The following GRK2 variants were observed in gnomAD, a reference collection of about 807,000 sequenced individuals.
GRK2 encodes the protein G protein-coupled receptor kinase 2.
Under a neutral mutation model 97.8 loss-of-function variants are expected in GRK2, and 23 were observed. That is an observed-to-expected ratio of 0.24 (90% CI 0.17 to 0.33). GRK2 has a LOEUF of 0.33. Ranked by LOEUF, GRK2 falls within the 10% of genes least tolerant of loss-of-function variation. The pLI is 1.00. For synonymous variants in GRK2, 425 were observed against 381.7 expected (o/e 1.11, Z -1.32); for missense variants, 633 against 956.9 (o/e 0.66, Z 4.47).
At chr11:67,271,670 C>T (rs1434244301) in intron 1 of GRK2, among the ~76,000 whole-genome samples, 5 of 152,230 alleles carry the variant, frequency 3.3e-5, no homozygotes, top group Non-Finnish European at 5.9e-5. Context: ...GCTTTGTGGC[C>T]GACACGACGT....
chr11:67,268,144 A>G (rs1199249438), intron 1 of GRK2, among the ~76,000 whole-genome samples: 5 of 152,286 alleles, frequency 3.3e-5, no homozygotes, highest in Non-Finnish European at 4.4e-5. Context: ...CATCTGTGAA[A>G]TGTGGATGGC....
At chr11:67,271,809 G>A (rs542658481) in intron 1 of GRK2, among the ~76,000 whole-genome samples, 7 of 152,316 alleles carry the variant, frequency 4.6e-5, no homozygotes, top group East Asian at 3.9e-4. Context: ...CTGTGGCCCC[G>A]TCCTTGTTCG....
Position 67,269,246 on chromosome 11 carries a change from A to C in GRK2, c.113+2434A>C, listed in dbSNP as rs752218413. ...TTTCATGTTTGCCTGACACTTTTCCACTTGCAGAGTGCTTTTTACTCTGTT... is the reference window on the plus strand; with the variant it reads ...TTTCATGTTTGCCTGACACTTTTCCCCTTGCAGAGTGCTTTTTACTCTGTT... On this transcript the variant is annotated intron_variant, in intron 1 of 20. Transcript: ENST00000308595. The surrounding 1 kb of genome is among the most constrained non-coding windows in gnomAD (Gnocchi z 4.1). 2.1e-5 allele frequency among the ~76,000 whole-genome samples: 3 copies of C among 140,290 alleles called. No homozygotes were observed. Among genetic ancestry groups the C allele is most frequent in the African/African-American group, 8.2e-5 (3 of 36,648 alleles). The allele number at this position is 140,290 out of a possible 152,430, so 92.0% of individuals were successfully genotyped here. A position where few individuals can be genotyped will look rare whatever the true frequency, so the allele number is the denominator to read the frequency against.
Position 67,283,739 on chromosome 11 carries a change from G to A in GRK2, c.1361G>A (p.Arg454His), listed in dbSNP as rs746293222. ...GAGGTGAAAGAGAGCCCCTTTTTCCGCTCCCTGGACTGGCAGATGGTCTTC... is the reference window on the plus strand; with the variant it reads ...GAGGTGAAAGAGAGCCCCTTTTTCCACTCCCTGGACTGGCAGATGGTCTTC... ...AQEVKESPFF[R>H]SLDWQMVFLQ... Residue 454 changes from arginine (R) to histidine (H), a missense_variant, in exon 16 of 21, where the codon CGC (arginine) becomes CAC (histidine). Physicochemically the swap from Arg to His is conservative, Grantham distance 29. Around this residue, in one of 4 missense-constraint regions of GRK2, gnomAD observed 68 missense variants for 71.0 expected, o/e 0.96. Coordinates refer to ENST00000308595, the MANE Select transcript of GRK2 (RefSeq NM_001619.5). 34 of 1,613,448 alleles carry A rather than the reference G, an allele frequency of 2.1e-5. No individual in the cohort carries two copies. The highest frequency in any genetic ancestry group is 1.7e-4 in the Admixed American group (10 of 60,000).
Position 67,277,043 on chromosome 11 carries a change from G to A in GRK2, c.114-229G>A, listed in dbSNP as rs899951630. 57 of 432,350 alleles carry A rather than the reference G, an allele frequency of 1.3e-4. No homozygotes were observed. In the South Asian group the frequency reaches 1.7e-3, roughly 13 times the overall value. 26.8% of individuals were successfully genotyped at this position (432,350 alleles called of 1,614,324 possible). A position where few individuals can be genotyped will look rare whatever the true frequency, so the allele number is the denominator to read the frequency against. On this transcript the variant is annotated intron_variant, in intron 1 of 20. Transcript: ENST00000308595. ...GCCTCTGAGCAGGGGGCCACCTGCC[G>A]GCCACCCTGGCCTTTGAGGACACAG... is the stretch of plus-strand genomic sequence containing the variant.
intron 1 of GRK2, among the ~76,000 whole-genome samples, chr11:67,267,348 G>A (rs1859821633): frequency 6.6e-6 from 1 of 152,236 alleles, no homozygotes; most frequent in African/African-American, 2.4e-5. Flanking sequence ...ACTTGTGTGA[G>A]GTGTTGGGGG....
intron 5 of GRK2, 59 bp downstream of exon 5, chr11:67,279,759 A>C: frequency 6.2e-7 from 1 of 1,612,974 alleles, no homozygotes. Context: ...CTGGTCAACA[A>C]GCCTGGTCAG....
In GRK2 at chr11:67,277,255, GC is replaced by G. The variant is rs751152867; in HGVS notation, c.114-11del. 6.2e-7 allele frequency: 1 copy of G among 1,612,902 alleles called. No homozygotes were observed. Among genetic ancestry groups the G allele is most frequent in the Non-Finnish European group, 8.5e-7 (1 of 1,179,704 alleles). On this transcript the variant is annotated splice_polypyrimidine_tract_variant and intron_variant, in intron 1 of 20. Transcript: ENST00000308595. Reference sequence around the variant, plus strand: ...GGCTCTGGGGGCTTCTGCTTACTGCGCCCCCCTGACCCACAGCATCCGCAGT... The same window carrying G: ...GGCTCTGGGGGCTTCTGCTTACTGCGCCCCCTGACCCACAGCATCCGCAGT...
intron 18 of GRK2, 150 bp downstream of exon 18, chr11:67,284,523 G>T: frequency 1.1e-6 from 1 of 949,738 alleles, no homozygotes; most frequent in Non-Finnish European, 1.5e-6. Context: ...GGTGGCTCAC[G>T]CCTGTAATCC....
At chr11:67,273,316 C>T (rs1306213966) in intron 1 of GRK2, among the ~76,000 whole-genome samples, 2 of 152,236 alleles carry the variant, frequency 1.3e-5, no homozygotes, top group Admixed American at 6.5e-5. Context: ...CTTGGTTCTC[C>T]TGATGCTCCA....
intron 1 of GRK2, 37 bp downstream of exon 1, chr11:67,266,849 G>T: frequency 9.2e-7 from 1 of 1,091,020 alleles, no homozygotes; most frequent in Non-Finnish European, 1.2e-6. Context: ...GCCCGACCCC[G>T]CGGGCGCCCC....
chr11:67,279,968 C>T lies in GRK2; in HGVS notation c.503+68C>T, dbSNP rs554168506. 269 of 1,510,068 alleles carry T rather than the reference C, an allele frequency of 1.8e-4. No individual in the cohort carries two copies. The African/African-American group carries it at 3.2e-3, about 18-fold the overall frequency. The allele number at this position is 1,510,068 out of a possible 1,614,324, so 93.5% of individuals were successfully genotyped here. A position where few individuals can be genotyped will look rare whatever the true frequency, so the allele number is the denominator to read the frequency against. On this transcript the variant is annotated intron_variant, in intron 6 of 20. Coordinates refer to ENST00000308595, the MANE Select transcript of GRK2 (RefSeq NM_001619.5). ...CCGCTCTCAGAAGGGGTATGGCTGGCGTGGAGGGCAGAAGCCAGCCTTCAT... is the reference window on the plus strand; with the variant it reads ...CCGCTCTCAGAAGGGGTATGGCTGGTGTGGAGGGCAGAAGCCAGCCTTCAT...
intron 15 of GRK2, 29 bp downstream of exon 15, chr11:67,283,257 G>A (rs747500571): frequency 6.3e-7 from 1 of 1,579,604 alleles, no homozygotes; most frequent in East Asian, 2.2e-5. Flanking sequence ...TGGGCATGCT[G>A]CTGGCTGTGC....
At chr11:67,273,117 G>T (rs1019212309) in intron 1 of GRK2, among the ~76,000 whole-genome samples, 4 of 152,228 alleles carry the variant, frequency 2.6e-5, no homozygotes, top group Non-Finnish European at 5.9e-5. Context: ...TGACGGTGGC[G>T]ATTCAGCATC....
In GRK2 at chr11:67,282,672, G is replaced by C. The variant is rs1445274602; in HGVS notation, c.1161-80G>C. 1 of 1,579,496 alleles carries C rather than the reference G, an allele frequency of 6.3e-7. No individual in the cohort carries two copies. The highest frequency in any genetic ancestry group is 1.3e-5 in the African/African-American group (1 of 74,268). ...TAGGGTTGGCACCGTCCCTGACTTT[G>C]GCCACAGCTCATCCATGCTGCCTGC... On this transcript the variant is annotated intron_variant, in intron 13 of 20. Coordinates refer to ENST00000308595, the MANE Select transcript of GRK2 (RefSeq NM_001619.5). This position sits in a 1 kb window ranked among gnomAD's most constrained non-coding sequence, Gnocchi z 6.9.
chr11:67,285,580 C>A lies in GRK2; in HGVS notation c.*130C>A. ...CCCGTGGCCCCAGCCTGGCCCAGCT[C>A]CCCCGGGAGGGGCCCGCTTGCCTCG... On this transcript the variant is annotated 3_prime_UTR_variant, in exon 21 of 21. Transcript: ENST00000308595. The A allele has an allele frequency of 8.1e-7, 1 of 1,232,524 alleles. No individual in the cohort carries two copies. Among genetic ancestry groups the A allele is most frequent in the Non-Finnish European group, 1.1e-6 (1 of 926,348 alleles). The allele number at this position is 1,232,524 out of a possible 1,614,324, so 76.3% of individuals were successfully genotyped here. A position where few individuals can be genotyped will look rare whatever the true frequency, so the allele number is the denominator to read the frequency against.
intron 1 of GRK2, among the ~76,000 whole-genome samples, chr11:67,272,436 G>C (rs1290996536): frequency 6.6e-6 from 1 of 152,178 alleles, no homozygotes; most frequent in Non-Finnish European, 1.5e-5. Flanking sequence ...TGTCCACACA[G>C]CTACAGCCTC....
chr11:67,275,472 C>A (rs990464648), intron 1 of GRK2, among the ~76,000 whole-genome samples: 5 of 152,160 alleles, frequency 3.3e-5, no homozygotes, highest in African/African-American at 1.2e-4. Context: ...CTTCTCCCAC[C>A]CACCCCCTTC....
At chr11:67,268,226 G>A (rs919123279) in intron 1 of GRK2, among the ~76,000 whole-genome samples, 1 of 152,230 alleles carries the variant, frequency 6.6e-6, no homozygotes, top group Admixed American at 6.5e-5. Flanking sequence ...GGCTGACGCT[G>A]CAGGGGTGCC....
Sources: allele counts gnomAD v4.1 joint callset (sites outside exome capture counted in the v4.1 genomes callset), GRCh38; gene constraint gnomAD v4.1.1; regional missense constraint gnomAD v4.1.1; non-coding constraint Gnocchi (gnomAD v3.1); transcripts MANE v1.5; gene names NCBI Gene and HGNC (gene_info 2026-07-23, HGNC 2026-07-21).